The following NFKB1 variants were observed in gnomAD, a reference collection of about 807,000 sequenced individuals.
NFKB1 encodes nuclear factor kappa B subunit 1.
A neutral mutation model predicts 105.1 loss-of-function variants in NFKB1; 9 were observed. The observed-to-expected ratio is 0.09, with a 90% CI of 0.05 to 0.15. NFKB1 has a LOEUF of 0.15. Among genes scored for constraint, NFKB1 ranks in the 10% least tolerant of loss-of-function variants. NFKB1 has a pLI of 1.00. For synonymous variants in NFKB1, 440 were observed against 442.2 expected (o/e 1.00, Z 0.06); for missense variants, 830 against 1,203.7 (o/e 0.69, Z 4.59).
chr4:102,557,141 C>G (rs1163806166), intron 5 of NFKB1: 4 of 152,140 alleles, frequency 2.6e-5, no homozygotes, highest in Non-Finnish European at 4.4e-5. Context: ...AAGGAACTTG[C>G]ACGCAGTGAC....
At chr4:102,527,208 T>C (rs959691220) in intron 2 of NFKB1, among the ~76,000 whole-genome samples, 5 of 152,220 alleles carry the variant, frequency 3.3e-5, no homozygotes, top group African/African-American at 1.2e-4. Context: ...TGTTTTCATA[T>C]GGTGATATAT....
At chr4:102,516,330 AT>A (rs1740181467) in intron 1 of NFKB1, among the ~76,000 whole-genome samples, 2 of 149,690 alleles carry the variant, frequency 1.3e-5, no homozygotes, top group Admixed American at 6.6e-5. Flanking sequence ...CTCAACTGTT[AT>A]TTTTTTGAAT....
intron 5 of NFKB1, among the ~76,000 whole-genome samples, chr4:102,562,156 C>T (rs1007846593): frequency 6.6e-6 from 1 of 152,094 alleles, no homozygotes; most frequent in African/African-American, 2.4e-5. Flanking sequence ...TTTGCATGTG[C>T]TGTTTTTCCT....
At position 102,563,978 on chromosome 4, in the gene NFKB1, C is replaced by T. The variant is rs937515915; in HGVS notation, c.259-3009C>T. Among the ~76,000 whole-genome samples, 25 of 151,886 alleles carry T rather than the reference C, an allele frequency of 1.6e-4. 1 individual carries two copies. Among genetic ancestry groups the T allele is most frequent in the Admixed American group, 6.6e-5 (1 of 15,254 alleles). On this transcript the variant is annotated intron_variant, in intron 5 of 23. Coordinates refer to ENST00000226574, the MANE Select transcript of NFKB1 (RefSeq NM_003998.4). ...GGATTACAGGTGCACACCACCATGC[C>T]CGGCTAATATTTTGTATTTTTAGTA...
intron 2 of NFKB1, among the ~76,000 whole-genome samples, 198 bp from the exon 3 acceptor site, chr4:102,529,638 C>G (rs1741149366): frequency 6.6e-6 from 1 of 152,116 alleles, no homozygotes; most frequent in Non-Finnish European, 1.5e-5. Context: ...TTGTCCAACC[C>G]TATGTAAAGT....
At chr4:102,559,940 T>TAA (rs373643720) in intron 5 of NFKB1, among the ~76,000 whole-genome samples, 12 of 130,794 alleles carry the variant, frequency 9.2e-5, no homozygotes, top group African/African-American at 2.3e-4. Flanking sequence ...CCTGTCCCTT[T>TAA]AAAAAAAAAA....
intron 3 of NFKB1, among the ~76,000 whole-genome samples, chr4:102,532,690 A>T (rs1741377974): frequency 1.3e-5 from 2 of 152,194 alleles, no homozygotes; most frequent in South Asian, 4.1e-4. Flanking sequence ...TTTTAATTTC[A>T]ACCTGAAGGT....
chr4:102,508,292 A>T (rs147076780), intron 1 of NFKB1, among the ~76,000 whole-genome samples: 1,722 of 152,316 alleles, frequency 0.011, 19 homozygotes, highest in Non-Finnish European at 0.017. Flanking sequence ...CATATAATAC[A>T]AGAACCTTCA....
chr4:102,607,589 T>TG, intron 18 of NFKB1, 60 bp from the exon 19 acceptor site: 2 of 1,533,924 alleles, frequency 1.3e-6, no homozygotes, highest in East Asian at 2.3e-5. Flanking sequence ...CACTGGGAGG[T>TG]GGGGACAAAA....
At chr4:102,538,726 G>A (rs1741800275) in intron 5 of NFKB1, among the ~76,000 whole-genome samples, 1 of 151,958 alleles carries the variant, frequency 6.6e-6, no homozygotes, top group South Asian at 2.1e-4. Flanking sequence ...GATAAACATA[G>A]ACTGGTAATC....
chr4:102,530,058 AC>A lies in NFKB1; in HGVS notation c.118+145del, dbSNP rs1741186283. 10 of 624,848 alleles carry A rather than the reference AC, an allele frequency of 1.6e-5. No individual in the cohort carries two copies. In the Admixed American group the frequency reaches 2.2e-4, roughly 14 times the overall value. 38.7% of individuals were successfully genotyped at this position (624,848 alleles called of 1,614,324 possible). ...GTTTTAAAAACCAATCTTTTAACAT[AC>A]TTTCTTGAAATATATTTGCACAAAA... On this transcript the variant is annotated intron_variant, in intron 3 of 23. Transcript: ENST00000226574.
At chr4:102,547,181 T>C (rs900295249) in intron 5 of NFKB1, among the ~76,000 whole-genome samples, 3 of 152,110 alleles carry the variant, frequency 2.0e-5, no homozygotes, top group Non-Finnish European at 2.9e-5. Context: ...AAATACAAAA[T>C]AAGTTTGGAA....
chr4:102,573,304 G>A (rs1284044569), intron 6 of NFKB1, among the ~76,000 whole-genome samples: 6 of 151,640 alleles, frequency 4.0e-5, no homozygotes, highest in Non-Finnish European at 4.4e-5. Flanking sequence ...AAGAAACTCC[G>A]TCTCAAAAAA....
chr4:102,594,811 C>A, intron 12 of NFKB1, 81 bp from the exon 13 acceptor site: 1 of 1,003,496 alleles, frequency 1.0e-6, no homozygotes, highest in Non-Finnish European at 1.6e-6. Context: ...GCTGTGCTCA[C>A]CTGAGAGACA....
At chr4:102,504,072 TG>T (rs952643395) in intron 1 of NFKB1, among the ~76,000 whole-genome samples, 2 of 152,158 alleles carry the variant, frequency 1.3e-5, no homozygotes, top group African/African-American at 4.8e-5. Context: ...TTCTGGCTTC[TG>T]GGGGGAAGTG....
At position 102,580,532 on chromosome 4, in the gene NFKB1, C is replaced by T. The variant is rs144345189; in HGVS notation, c.731-3C>T. On this transcript the variant is annotated splice_region_variant and splice_polypyrimidine_tract_variant and intron_variant, in intron 8 of 23. Transcript: ENST00000226574. ...TTATTTGTTGTTTTTCCCCTGTGAA[C>T]AGAAGCCCCCAATGCATCCAACTTG... 1.7e-5 allele frequency: 27 copies of T among 1,613,300 alleles called. No individual in the cohort carries two copies. Among genetic ancestry groups the T allele is most frequent in the Non-Finnish European group, 2.2e-5 (26 of 1,179,354 alleles).
chr4:102,539,775 T>C (rs1459079994), intron 5 of NFKB1, among the ~76,000 whole-genome samples: 1 of 152,178 alleles, frequency 6.6e-6, no homozygotes, highest in Non-Finnish European at 1.5e-5. Context: ...CTCACAAGAC[T>C]AGTGGCTCTA....
At chr4:102,511,670 T>C (rs928653973) in intron 1 of NFKB1, among the ~76,000 whole-genome samples, 2 of 151,844 alleles carry the variant, frequency 1.3e-5, no homozygotes, top group East Asian at 3.9e-4. Context: ...AGCAAGACTG[T>C]CTCAAAAAAG....
chr4:102,593,702 C>A (rs748098720), intron 12 of NFKB1, 134 bp downstream of exon 12: 25 of 809,282 alleles, frequency 3.1e-5, no homozygotes, highest in Non-Finnish European at 2.4e-5. Context: ...AATTTCCTGA[C>A]AAATGTAAAT....
Sources: gnomAD v4.1 joint callset for allele counts (sites outside exome capture counted in the v4.1 genomes callset) on GRCh38, gnomAD v4.1.1 for gene constraint, MANE v1.5 for transcripts, NCBI Gene and HGNC (gene_info 2026-07-23, HGNC 2026-07-21) for gene names.